Variants in TCF12 observed in about 807,000 individuals in gnomAD.
The protein encoded by TCF12 is DNA-binding protein HTF4.
In TCF12, 45 loss-of-function variants were observed where a neutral mutation model predicts 86.0. The observed-to-expected ratio is 0.52, with a 90% CI of 0.41 to 0.67. The LOEUF (loss-of-function observed/expected upper bound fraction) is 0.67, where lower values mean the gene tolerates loss of function less well. TCF12 is among the 30% of genes least tolerant of loss of function. The pLI, the probability that TCF12 is intolerant of heterozygous loss-of-function variation, is 0.00. For synonymous variants in TCF12, 330 were observed against 299.6 expected, an observed-to-expected ratio of 1.10 and a Z score of -1.05; for missense variants, 881 against 859.9, an observed-to-expected ratio of 1.02 and a Z score of -0.31.
chr15:57,159,107 A>G (rs1363519155), intron 5 of TCF12, among the ~76,000 whole-genome samples: 3 of 152,240 alleles, frequency 2.0e-5, no homozygotes, highest in African/African-American at 7.2e-5. Flanking sequence ...CTAGACAAGA[A>G]TTTCTGAATA....
intron 3 of TCF12, among the ~76,000 whole-genome samples, chr15:57,062,245 G>A (rs552488787): frequency 2.7e-4 from 41 of 152,010 alleles, no homozygotes; most frequent in African/African-American, 9.4e-4. Context: ...CGTGAGCCAC[G>A]GTGCCCGGCC....
intron 6 of TCF12, among the ~76,000 whole-genome samples, chr15:57,172,885 G>T (rs1007753730): frequency 6.6e-6 from 1 of 151,752 alleles, no homozygotes; most frequent in African/African-American, 2.4e-5. Context: ...AGGATCACTT[G>T]AGCCCAGGAG....
At position 57,288,980 on chromosome 15, in the gene TCF12, T is replaced by G. The variant is rs1230895186; in HGVS notation, c.*2835T>G. 7.3e-6 allele frequency: 1 copy of G among 136,084 alleles called. No homozygotes were observed. The highest frequency in any genetic ancestry group is 1.5e-5 in the Non-Finnish European group (1 of 66,938). 8.4% of individuals were successfully genotyped at this position (136,084 alleles called of 1,614,324 possible). A position where few individuals can be genotyped will look rare whatever the true frequency, so the allele number is the denominator to read the frequency against. ...AAGTTAAAAGATCAAAAATTTGCTTTTATCCCAGTTTTTAACCACAAAAAA... is the reference window on the plus strand; with the variant it reads ...AAGTTAAAAGATCAAAAATTTGCTTGTATCCCAGTTTTTAACCACAAAAAA... On this transcript the variant is annotated 3_prime_UTR_variant, in exon 21 of 21. Coordinates refer to ENST00000333725, the MANE Select transcript of TCF12 (RefSeq NM_207037.2).
chr15:57,033,703 A>G (rs182949716), intron 3 of TCF12, among the ~76,000 whole-genome samples: 33 of 152,296 alleles, frequency 2.2e-4, no homozygotes, highest in African/African-American at 7.7e-4. Flanking sequence ...ATAGAATTTT[A>G]TGATATATTA....
At chr15:57,252,602 GT>G in intron 15 of TCF12, 110 bp downstream of exon 15, 1 of 881,342 alleles carries the variant, frequency 1.1e-6, no homozygotes, top group East Asian at 2.7e-5. Flanking sequence ...AAATCAAACA[GT>G]TGACTGTTTC....
intron 13 of TCF12, among the ~76,000 whole-genome samples, chr15:57,249,621 T>A (rs1488299479): frequency 1.3e-5 from 2 of 152,190 alleles, no homozygotes; most frequent in African/African-American, 4.8e-5. Flanking sequence ...CTTGTTCAGC[T>A]AAAATGAACT....
At chr15:57,103,962 C>T (rs1483751053) in intron 5 of TCF12, among the ~76,000 whole-genome samples, 1 of 152,098 alleles carries the variant, frequency 6.6e-6, no homozygotes, top group African/African-American at 2.4e-5. Flanking sequence ...GAACCAAAAT[C>T]ACGCCACTGC....
intron 5 of TCF12, among the ~76,000 whole-genome samples, chr15:57,105,259 C>T (rs527264741): frequency 1.1e-4 from 17 of 152,268 alleles, no homozygotes; most frequent in South Asian, 6.2e-4. Flanking sequence ...ATATGAATAA[C>T]CTTAATAGAG....
chr15:56,960,939 A>T (rs2061721208), intron 3 of TCF12, among the ~76,000 whole-genome samples: 1 of 150,756 alleles, frequency 6.6e-6, no homozygotes, highest in Non-Finnish European at 1.5e-5. Flanking sequence ...CAGGAGTTCG[A>T]GACCAGCCTG....
chr15:57,252,927 CTTTTTTTTTTTTT>C (rs57946842), intron 15 of TCF12, among the ~76,000 whole-genome samples: 1 of 89,774 alleles, frequency 1.1e-5, no homozygotes, highest in Admixed American at 1.2e-4. Flanking sequence ...ATAGGTTGTA[CTTTTTTTTTTTTT>C]TTTTTTTTGG....
intron 5 of TCF12, among the ~76,000 whole-genome samples, chr15:57,102,145 T>C (rs770593349): frequency 7.9e-5 from 12 of 152,198 alleles, no homozygotes; most frequent in Non-Finnish European, 1.6e-4. Flanking sequence ...CATGGTTAAA[T>C]AGCTATATAA....
At chr15:57,170,712 A>AAC (rs1870062414) in intron 6 of TCF12, among the ~76,000 whole-genome samples, 1 of 14,884 alleles carries the variant, frequency 6.7e-5, no homozygotes, top group East Asian at 1.5e-3. Flanking sequence ...TATAATATAT[A>AAC]ATATATATAT....
In TCF12 at chr15:56,953,032, CT is replaced by C. The variant is rs1375411469; in HGVS notation, c.148+31935del. Among the ~76,000 whole-genome samples, 18 of 152,014 alleles carry C rather than the reference CT, an allele frequency of 1.2e-4. 1 individual carries two copies. The highest frequency in any genetic ancestry group is 1.2e-4 in the Non-Finnish European group (8 of 67,900). On this transcript the variant is annotated intron_variant, in intron 3 of 20. Transcript: ENST00000333725. ...AAATTGAGGGAGTTTCCTTCTATTC[CT>C]AGCTTCTAAGAGATTTTCCTAGAAT...
intron 3 of TCF12, among the ~76,000 whole-genome samples, chr15:56,926,982 T>C (rs1357075811): frequency 6.6e-6 from 1 of 152,142 alleles, no homozygotes. Flanking sequence ...TTTATGCTAA[T>C]CTAGGATGAG....
At chr15:57,280,971 T>A (rs377345705) in intron 19 of TCF12, among the ~76,000 whole-genome samples, 38 of 152,300 alleles carry the variant, frequency 2.5e-4, no homozygotes, top group African/African-American at 8.4e-4. Context: ...AAGCTATGGA[T>A]ATCTTGGGCT....
chr15:57,251,420 C>G lies in TCF12; in HGVS notation c.1185C>G (p.Ser395=), dbSNP rs184766827. The G allele has an allele frequency of 3.8e-5, 61 of 1,613,800 alleles. No homozygotes were observed. The Admixed American group carries it at 8.0e-4, about 21-fold the overall frequency. The change falls in exon 14 of 21, where the codon TCC becomes TCG. Residue 395 remains serine, a synonymous_variant. Transcript: ENST00000333725. ...SSPSYENSLH[S]LKNRVEQQLH... ...CAAGCTATGAAAACTCACTCCACTC[C>G]CTGGTAAGAGCCTCTTATACATCAG... is the stretch of plus-strand genomic sequence containing the variant.
intron 4 of TCF12, among the ~76,000 whole-genome samples, chr15:57,064,795 C>CAAAAAAAAAAAA (rs1177544594): frequency 0.015 from 1,170 of 77,940 alleles, 54 homozygotes; most frequent in African/African-American, 0.059. Context: ...GACTCCATCT[C>CAAAAAAAAAAAA]AAAAAAAAAA....
intron 5 of TCF12, among the ~76,000 whole-genome samples, chr15:57,113,861 C>CA (rs1403558589): frequency 6.6e-6 from 1 of 151,036 alleles, no homozygotes; most frequent in Admixed American, 6.6e-5. Context: ...GAATCTGAGA[C>CA]AGGAGGATAG....
At chr15:57,060,512 C>A (rs2068381990) in intron 3 of TCF12, among the ~76,000 whole-genome samples, 1 of 152,124 alleles carries the variant, frequency 6.6e-6, no homozygotes, top group African/African-American at 2.4e-5. Context: ...ATTAGAAAGT[C>A]AAATAAGGCT....
Sources: allele counts gnomAD v4.1 joint callset (sites outside exome capture counted in the v4.1 genomes callset), GRCh38; gene constraint gnomAD v4.1.1; transcripts MANE v1.5; gene names NCBI Gene and HGNC (gene_info 2026-07-23, HGNC 2026-07-21).